MAN2A1: variants seen among roughly 807,000 people sequenced by gnomAD.
MAN2A1 encodes alpha-mannosidase 2.
A neutral mutation model predicts 142.6 loss-of-function variants in MAN2A1; 76 were observed. The ratio of observed to expected loss-of-function variants is 0.53; its 90% CI spans 0.44 to 0.65. MAN2A1 has a LOEUF of 0.65. Ranked by LOEUF, MAN2A1 falls within the 30% of genes least tolerant of loss-of-function variation. The probability of loss-of-function intolerance (pLI) is 0.00; values close to 1 mark genes in which losing one functional copy is unlikely to be tolerated. For synonymous variants in MAN2A1, 559 were observed against 473.2 expected (o/e 1.18, Z -2.35); for missense variants, 1,311 against 1,365.1 (o/e 0.96, Z 0.62).
chr5:109,718,905 A>G (rs1751527357), intron 3 of MAN2A1, among the ~76,000 whole-genome samples: 1 of 152,042 alleles, frequency 6.6e-6, no homozygotes. Context: ...AGGATGAAAC[A>G]TTTGACTTAT....
At chr5:109,820,878 A>G (rs754574929) in intron 15 of MAN2A1, among the ~76,000 whole-genome samples, 6 of 152,234 alleles carry the variant, frequency 3.9e-5, no homozygotes, top group Non-Finnish European at 2.9e-5. Context: ...AACAATGAAC[A>G]TGGGAAGAAA....
intron 8 of MAN2A1, among the ~76,000 whole-genome samples, chr5:109,776,514 T>C (rs1753297108): frequency 6.6e-6 from 1 of 152,122 alleles, no homozygotes; most frequent in Non-Finnish European, 1.5e-5. Context: ...CATAGAAGCA[T>C]CTGGTCTCCT....
rs921340479 is a variant in MAN2A1 at position 109,754,109 on chromosome 5, C to A, written c.708-1220C>A. On this transcript the variant is annotated intron_variant, in intron 4 of 21. Transcript: ENST00000261483. ...TTTTATTTTGTAAATATGGGATCTCCTTATGTTGCCCAGGCTGGTCTAGAA... is the reference window on the plus strand; with the variant it reads ...TTTTATTTTGTAAATATGGGATCTCATTATGTTGCCCAGGCTGGTCTAGAA... Among the ~76,000 whole-genome samples the A allele has an allele frequency of 2.6e-5, 4 of 151,834 alleles. No homozygotes were observed. In the East Asian group the frequency reaches 7.7e-4, roughly 29 times the overall value.
chr5:109,770,579 T>C lies in MAN2A1; in HGVS notation c.1196+38T>C, dbSNP rs758350884. ...GTATTTCATAAGACAACATCTTGAA[T>C]AAAGTAGCCACTTAGCTGCTAGTTG... is the stretch of plus-strand genomic sequence containing the variant. On this transcript the variant is annotated intron_variant, in intron 7 of 21. Coordinates refer to ENST00000261483, the MANE Select transcript of MAN2A1 (RefSeq NM_002372.4). The C allele has an allele frequency of 4.4e-6, 7 of 1,578,502 alleles. No individual in the cohort carries two copies. In the African/African-American group the frequency reaches 9.4e-5, roughly 21 times the overall value.
At chr5:109,854,385 C>G (rs1053008817) in intron 19 of MAN2A1, 6 of 152,110 alleles carry the variant, frequency 3.9e-5, no homozygotes, top group African/African-American at 1.4e-4. Flanking sequence ...TAACCATATA[C>G]CATAGCAAAA....
At chr5:109,726,110 G>A (rs1273052151) in intron 3 of MAN2A1, among the ~76,000 whole-genome samples, 1 of 151,956 alleles carries the variant, frequency 6.6e-6, no homozygotes, top group African/African-American at 2.4e-5. Context: ...CAATTTTCAG[G>A]GATATTCCAA....
chr5:109,843,450 G>A (rs1278230102), intron 17 of MAN2A1, among the ~76,000 whole-genome samples: 1 of 152,138 alleles, frequency 6.6e-6, no homozygotes, highest in East Asian at 1.9e-4. Context: ...AGATTTGGGT[G>A]GGGATACAAA....
intron 10 of MAN2A1, 131 bp from the exon 11 acceptor site, chr5:109,788,803 A>C (rs1033001168): frequency 6.9e-6 from 4 of 583,492 alleles, no homozygotes; most frequent in Non-Finnish European, 1.2e-5. Flanking sequence ...GGTTTGTCAT[A>C]GATTCATTAT....
intron 1 of MAN2A1, among the ~76,000 whole-genome samples, chr5:109,707,966 AG>A (rs1206002395): frequency 6.6e-6 from 1 of 152,122 alleles, no homozygotes; most frequent in African/African-American, 2.4e-5. Context: ...TCTGTTTTTC[AG>A]GGGTGAGGTT....
At chr5:109,715,275 A>G (rs1751419928) in intron 2 of MAN2A1, among the ~76,000 whole-genome samples, 2 of 151,822 alleles carry the variant, frequency 1.3e-5, no homozygotes, top group Admixed American at 1.3e-4. Flanking sequence ...TGACTTTCAT[A>G]TAATTTGTTT....
In MAN2A1 at chr5:109,690,563, G is replaced by T. The variant is rs749455038; in HGVS notation, c.135+11G>T. ...GGCTCCTTCCCTCAGGTAAGCACCT[G>T]GGAAGGGGGCGCGGGGCTCCGAGGG... On this transcript the variant is annotated intron_variant, in intron 1 of 21. Transcript: ENST00000261483. The T allele has an allele frequency of 1.9e-6, 3 of 1,588,114 alleles. No individual in the cohort carries two copies. Among genetic ancestry groups the T allele is most frequent in the South Asian group, 2.3e-5 (2 of 88,504 alleles).
rs116380071 is a variant in MAN2A1 at position 109,739,701 on chromosome 5, T to C, written c.707+10188T>C. Among the ~76,000 whole-genome samples, 415 of 152,304 alleles carry C rather than the reference T, an allele frequency of 2.7e-3. 5 individuals carry two copies. The highest frequency in any genetic ancestry group is 9.1e-3 in the African/African-American group (379 of 41,566). ...ATGGTGTAACTTGCCTTGAATCCCT[T>C]TCTTTTCTAACCATATACTTTCAGT... On this transcript the variant is annotated intron_variant, in intron 4 of 21. Transcript: ENST00000261483.
chr5:109,734,582 A>G (rs923220109), intron 4 of MAN2A1, among the ~76,000 whole-genome samples: 17 of 152,108 alleles, frequency 1.1e-4, no homozygotes, highest in Admixed American at 9.2e-4. Context: ...CTTTCTTCTC[A>G]TTGGTTTCAA....
chr5:109,731,230 C>A lies in MAN2A1; in HGVS notation c.707+1717C>A, dbSNP rs563972008. Among the ~76,000 whole-genome samples the A allele has an allele frequency of 6.6e-5, 10 of 150,534 alleles. No homozygotes were observed. The South Asian group carries it at 1.9e-3, about 29-fold the overall frequency. Reference sequence around the variant, plus strand: ...CTTGTCTTAGGAATGTTGGAATTCTCCTCTTTTAGTTATTTTGAAATATAT... The same window carrying A: ...CTTGTCTTAGGAATGTTGGAATTCTACTCTTTTAGTTATTTTGAAATATAT... On this transcript the variant is annotated intron_variant, in intron 4 of 21. Coordinates refer to ENST00000261483, the MANE Select transcript of MAN2A1 (RefSeq NM_002372.4).
At chr5:109,856,427 A>G (rs1007133577) in intron 20 of MAN2A1, among the ~76,000 whole-genome samples, 1 of 152,170 alleles carries the variant, frequency 6.6e-6, no homozygotes, top group South Asian at 2.1e-4. Flanking sequence ...AAGGTAGGAA[A>G]ATGTGGGAGG....
At chr5:109,775,225 T>C (rs1210859285) in intron 8 of MAN2A1, among the ~76,000 whole-genome samples, 1 of 152,172 alleles carries the variant, frequency 6.6e-6, no homozygotes, top group African/African-American at 2.4e-5. Flanking sequence ...ACCTACCAAG[T>C]TGTGATATTT....
At chr5:109,725,873 T>C (rs1160725815) in intron 3 of MAN2A1, among the ~76,000 whole-genome samples, 2 of 152,136 alleles carry the variant, frequency 1.3e-5, no homozygotes, top group African/African-American at 4.8e-5. Flanking sequence ...ATGTAGACAA[T>C]AGAGTTTCCA....
chr5:109,836,100 A>G (rs1755048075), intron 16 of MAN2A1, among the ~76,000 whole-genome samples: 1 of 149,956 alleles, frequency 6.7e-6, no homozygotes, highest in Non-Finnish European at 1.5e-5. Flanking sequence ...AATAACAATA[A>G]TAATAATTAT....
chr5:109,795,534 G>A (rs1396902884), intron 12 of MAN2A1, among the ~76,000 whole-genome samples: 2 of 152,148 alleles, frequency 1.3e-5, no homozygotes, highest in African/African-American at 4.8e-5. Context: ...TGGCTTGACA[G>A]TCAGTGTATT....
Sources: allele counts gnomAD v4.1 joint callset (sites outside exome capture counted in the v4.1 genomes callset), GRCh38; gene constraint gnomAD v4.1.1; transcripts MANE v1.5; gene names NCBI Gene and HGNC (gene_info 2026-07-23, HGNC 2026-07-21).